Variants in L3MBTL4 observed in about 807,000 individuals in gnomAD.
L3MBTL4 encodes the protein lethal(3)malignant brain tumor-like protein 4.
L3MBTL4 carries 70 observed loss-of-function variants against 84.5 expected under a neutral mutation model. The ratio of observed to expected loss-of-function variants is 0.83; its 90% CI spans 0.68 to 1.01. The LOEUF (loss-of-function observed/expected upper bound fraction) is 1.01, where lower values mean the gene tolerates loss of function less well. Among genes scored for constraint, L3MBTL4 ranks in the 50% least tolerant of loss-of-function variants. The pLI, the probability that L3MBTL4 is intolerant of heterozygous loss-of-function variation, is 0.00. For synonymous variants in L3MBTL4, 274 were observed against 259.8 expected (o/e 1.05, Z -0.52); for missense variants, 715 against 754.8 (o/e 0.95, Z 0.62).
chr18:6,157,993 C>T (rs2144943820), intron 13 of L3MBTL4, among the ~76,000 whole-genome samples: 1 of 152,296 alleles, frequency 6.6e-6, no homozygotes, highest in East Asian at 1.9e-4. Context: ...CTAGGCTTGA[C>T]TAGACCAATT....
At chr18:6,399,658 T>A (rs1451003441) in intron 1 of L3MBTL4, 1 of 152,228 alleles carries the variant, frequency 6.6e-6, no homozygotes, top group African/African-American at 2.4e-5. Flanking sequence ...ACTTACATCT[T>A]AGAAAATAGC....
intron 1 of L3MBTL4, among the ~76,000 whole-genome samples, chr18:6,348,167 A>G (rs1255932882): frequency 1.3e-5 from 2 of 152,018 alleles, no homozygotes; most frequent in African/African-American, 4.8e-5. Context: ...AATGAAAAAA[A>G]TACCATATAT....
chr18:6,080,393 G>A (rs1330721894), intron 16 of L3MBTL4, among the ~76,000 whole-genome samples: 1 of 152,200 alleles, frequency 6.6e-6, no homozygotes, highest in Admixed American at 6.5e-5. Flanking sequence ...GGAAAGAAAC[G>A]TAACTAAAAG....
chr18:6,194,881 G>C lies in L3MBTL4; in HGVS notation c.981+18268C>G, dbSNP rs1317944463. On this transcript the variant is annotated intron_variant, in intron 12 of 18. Coordinates refer to ENST00000317931, the MANE Select transcript of L3MBTL4 (RefSeq NM_001330559.2). ...AAAGCAGAAGGAATGCCATTGCCAA[G>C]GACTAGCTTCTCCCAGCACAGGGCA... Among the ~76,000 whole-genome samples, 3 of 152,352 alleles carry C rather than the reference G, an allele frequency of 2.0e-5. No homozygotes were observed. The South Asian group carries it at 6.2e-4, about 32-fold the overall frequency.
In L3MBTL4 at chr18:6,243,426, A is replaced by G; in HGVS notation, c.328T>C (p.Cys110Arg). ...VFCVLSVAEV[C>R]GYRLRLHFDG... ...AAATGAAGTCTTAGACGGTAACCAC[A>G]AACCTGCAAGATAGAAAGTTTACAA... The change falls in exon 7 of 19, where the codon TGT becomes CGT. Residue 110 changes from cysteine (C) to arginine (R), a missense_variant. Coordinates refer to ENST00000317931, the MANE Select transcript of L3MBTL4 (RefSeq NM_001330559.2). The G allele has an allele frequency of 6.3e-7, 1 of 1,594,916 alleles. No individual in the cohort carries two copies.
chr18:6,349,589 G>A (rs1300783685), intron 1 of L3MBTL4, among the ~76,000 whole-genome samples: 1 of 152,122 alleles, frequency 6.6e-6, no homozygotes, highest in African/African-American at 2.4e-5. Context: ...TTAGCTAGGT[G>A]TGGTGGCATG....
At chr18:6,179,286 T>G (rs2044361386) in intron 12 of L3MBTL4, among the ~76,000 whole-genome samples, 1 of 152,236 alleles carries the variant, frequency 6.6e-6, no homozygotes, top group Admixed American at 6.5e-5. Flanking sequence ...TGTTAACTTC[T>G]TCAGAAACAG....
At chr18:6,250,991 A>G (rs2047899235) in intron 5 of L3MBTL4, among the ~76,000 whole-genome samples, 1 of 152,266 alleles carries the variant, frequency 6.6e-6, no homozygotes, top group Admixed American at 6.5e-5. Flanking sequence ...TGATATAAAC[A>G]GCTTGACCAC....
chr18:6,269,228 G>A (rs1484691668), intron 4 of L3MBTL4, among the ~76,000 whole-genome samples: 3 of 152,186 alleles, frequency 2.0e-5, no homozygotes, highest in Non-Finnish European at 4.4e-5. Flanking sequence ...TTGGGAGGCT[G>A]AGGCGGGCGG....
intron 1 of L3MBTL4, among the ~76,000 whole-genome samples, chr18:6,324,592 T>C (rs927505008): frequency 1.2e-4 from 18 of 152,202 alleles, no homozygotes; most frequent in Non-Finnish European, 2.4e-4. Flanking sequence ...TGCAGCTTGT[T>C]TTCAGCTCAT....
At chr18:6,001,129 T>C (rs647586) in intron 16 of L3MBTL4, among the ~76,000 whole-genome samples, 16,040 of 152,232 alleles carry the variant, frequency 0.11, 1,433 homozygotes, top group African/African-American at 0.24. Flanking sequence ...GGGTGGGCAA[T>C]AAGTACCTTG....
At chr18:6,100,906 C>T (rs1598748048) in intron 14 of L3MBTL4, among the ~76,000 whole-genome samples, 1 of 152,260 alleles carries the variant, frequency 6.6e-6, no homozygotes, top group South Asian at 2.1e-4. Flanking sequence ...CCAGGCTCCC[C>T]ATGTGATCTC....
intron 4 of L3MBTL4, among the ~76,000 whole-genome samples, chr18:6,300,481 T>G (rs1303734515): frequency 6.6e-6 from 1 of 152,290 alleles, no homozygotes; most frequent in East Asian, 1.9e-4. Flanking sequence ...CTGTTAAAAC[T>G]GAAAAGCTTC....
chr18:6,235,240 G>T (rs941813950), intron 10 of L3MBTL4, among the ~76,000 whole-genome samples: 14 of 152,112 alleles, frequency 9.2e-5, no homozygotes, highest in Non-Finnish European at 1.5e-5. Flanking sequence ...AATGGGTGCA[G>T]CAAATCAACA....
intron 16 of L3MBTL4, among the ~76,000 whole-genome samples, chr18:6,046,468 A>C (rs969080348): frequency 2.6e-5 from 4 of 152,240 alleles, no homozygotes; most frequent in Non-Finnish European, 5.9e-5. Flanking sequence ...TCTCATTTGC[A>C]CACAGAACAC....
chr18:5,968,915 C>T, intron 17 of L3MBTL4, among the ~76,000 whole-genome samples: 1 of 152,126 alleles, frequency 6.6e-6, no homozygotes, highest in South Asian at 2.1e-4. Context: ...CAGGGGCCTG[C>T]TCTGCCATGA....
chr18:6,329,681 T>C (rs1310539082), intron 1 of L3MBTL4, among the ~76,000 whole-genome samples: 1 of 152,164 alleles, frequency 6.6e-6, no homozygotes, highest in Non-Finnish European at 1.5e-5. Context: ...AGGTATGACA[T>C]GGTGAGGGGG....
chr18:6,030,634 G>A (rs2055747862), intron 16 of L3MBTL4: 2 of 833,498 alleles, frequency 2.4e-6, no homozygotes, highest in Non-Finnish European at 2.9e-6. Flanking sequence ...GAGTAGCTGG[G>A]ATTACAGGTG....
intron 12 of L3MBTL4, among the ~76,000 whole-genome samples, chr18:6,203,529 T>C (rs1432387302): frequency 6.6e-6 from 1 of 152,134 alleles, no homozygotes. Flanking sequence ...GTCTGCTGAA[T>C]TCAGAGCCAA....
Sources: allele counts gnomAD v4.1 joint callset (sites outside exome capture counted in the v4.1 genomes callset), GRCh38; gene constraint gnomAD v4.1.1; transcripts MANE v1.5; gene names NCBI Gene and HGNC (gene_info 2026-07-23, HGNC 2026-07-21).